ACAD9: variants seen among roughly 807,000 people sequenced by gnomAD.
ACAD9 encodes acyl-CoA dehydrogenase family member 9.
A neutral mutation model predicts 70.2 loss-of-function variants in ACAD9; 53 were observed. The ratio of observed to expected loss-of-function variants is 0.75; its 90% CI spans 0.61 to 0.95. ACAD9 has a LOEUF of 0.95. ACAD9 is among the 40% of genes least tolerant of loss of function. The probability of loss-of-function intolerance (pLI) is 0.00; values close to 1 mark genes in which losing one functional copy is unlikely to be tolerated. For missense variants in ACAD9, 777 were observed against 802.8 expected (o/e 0.97, Z 0.39); for synonymous variants, 313 against 312.1 (o/e 1.00, Z -0.03).
chr3:128,879,808 C>T lies in ACAD9; in HGVS notation c.117C>T (p.Phe39=), dbSNP rs754819333. ...LLRTSPPVRA[F]AKELFLGKIK... The stretch of plus-strand genomic sequence containing the variant: ...GCACCAGCCCGCCTGTACGAGCTTT[C>T]GCCAAAGAGCTTTTCCTAGGCAAAA... The change falls in exon 1 of 18, where the codon TTC becomes TTT. Residue 39 remains phenylalanine, a synonymous_variant. Transcript: ENST00000308982. The T allele has an allele frequency of 6.2e-7, 1 of 1,614,096 alleles. No individual in the cohort carries two copies. Among genetic ancestry groups the T allele is most frequent in the Non-Finnish European group, 8.5e-7 (1 of 1,180,028 alleles).
Position 128,908,691 on chromosome 3 carries a change from G to A in ACAD9, c.1359-282G>A. ...ATCCAAAATCACTGCTGGAGGCCAA[G>A]TACAGGTTGCTAGTAGCATTTTGTC... On this transcript the variant is annotated intron_variant, in intron 13 of 17. Transcript: ENST00000308982. The A allele has an allele frequency of 8.9e-6, 5 of 558,966 alleles. No homozygotes were observed. The South Asian group carries it at 1.0e-4, about 11-fold the overall frequency. 34.6% of individuals were successfully genotyped at this position (558,966 alleles called of 1,614,324 possible).
At chr3:128,898,375 C>T (rs1400983679) in intron 6 of ACAD9, 11 of 446,422 alleles carry the variant, frequency 2.5e-5, no homozygotes, top group Non-Finnish European at 4.5e-5. Flanking sequence ...AACACAAAGC[C>T]GTAATACCCT....
intron 1 of ACAD9, 44 bp from the exon 2 acceptor site, chr3:128,884,609 T>C (rs1935192694): frequency 7.2e-7 from 1 of 1,395,506 alleles, no homozygotes; most frequent in African/African-American, 1.4e-5. Flanking sequence ...GTGATGGGAG[T>C]GTGCTAAAAA....
At chr3:128,884,567 A>T in intron 1 of ACAD9, 86 bp from the exon 2 acceptor site, 1 of 982,930 alleles carries the variant, frequency 1.0e-6, no homozygotes, top group Non-Finnish European at 1.6e-6. Flanking sequence ...AGTGGAGCAC[A>T]TGTTTTTCCT....
Position 128,904,582 on chromosome 3 carries a change from A to G in ACAD9, c.1149+77A>G, listed in dbSNP as rs888503390. The G allele has an allele frequency of 1.7e-5, 26 of 1,557,288 alleles. No homozygotes were observed. In the South Asian group the frequency reaches 1.7e-4, roughly 10 times the overall value. The stretch of plus-strand genomic sequence containing the variant: ...TCCCTCACTGTGACCTTTCAAGCCC[A>G]TGCTGTTGCCTGTCATCTTCCTCCT... On this transcript the variant is annotated intron_variant, in intron 11 of 17. Transcript: ENST00000308982.
In ACAD9 at chr3:128,899,523, G is replaced by GT. The variant is rs1553731035; in HGVS notation, c.808+62_808+63insT. 1,232 of 1,068,616 alleles carry GT rather than the reference G, an allele frequency of 1.2e-3. 9 individuals carry two copies. The highest frequency in any genetic ancestry group is 8.0e-3 in the African/African-American group (483 of 60,478). 66.2% of individuals were successfully genotyped at this position (1,068,616 alleles called of 1,614,324 possible). ...TGTAAGGGGGAGACTGGCCTTTGAC[G>GT]GTGTGTGTGTGTGTGTGTGTGTGTG... On this transcript the variant is annotated intron_variant, in intron 7 of 17. Transcript: ENST00000308982.
intron 17 of ACAD9, among the ~76,000 whole-genome samples, 183 bp downstream of exon 17, chr3:128,910,996 G>A (rs1936237916): frequency 6.6e-6 from 1 of 152,234 alleles, no homozygotes; most frequent in Admixed American, 6.5e-5. Flanking sequence ...CACTGTAGGT[G>A]CATACCTGCC....
rs144311840 is a variant in ACAD9 at position 128,895,001 on chromosome 3, T to C, written c.347-309T>C. On this transcript the variant is annotated intron_variant, in intron 3 of 17. Transcript: ENST00000308982. The stretch of plus-strand genomic sequence containing the variant: ...AAGTGATTCTCATGCCTCAGCCTCC[T>C]GAGTAGCTGGGACCACAGGCACACA... Among the ~76,000 whole-genome samples the C allele has an allele frequency of 0.053, 7,958 of 150,886 alleles. 441 individuals carry two copies. The highest frequency in any genetic ancestry group is 0.13 in the African/African-American group (5,518 of 40,958).
At chr3:128,887,649 ATATATAT>A (rs1202657088) in intron 2 of ACAD9, among the ~76,000 whole-genome samples, 4,218 of 142,692 alleles carry the variant, frequency 0.03, 132 homozygotes, top group South Asian at 0.11. Flanking sequence ...AAATAAATAT[ATATATAT>A]ATATATATAT....
rs749932833 is a variant in ACAD9, at chr3:128,908,218, C to G, written c.1312C>G (p.Leu438Val). 5.6e-6 allele frequency: 9 copies of G among 1,614,204 alleles called. No homozygotes were observed. In the Middle Eastern group the frequency reaches 9.9e-4, roughly 178 times the overall value. ...TGAGATTCTCCGGATGTACATCGCC[C>G]TGACGGGTCTGCAGCATGCCGGCCG... ...TNEILRMYIA[L>V]TGLQHAGRIL... Residue 438 changes from leucine (L) to valine (V), a missense_variant, in exon 13 of 18, where the codon CTG becomes GTG. By Grantham distance (32) the Leu-to-Val change is conservative. Coordinates refer to ENST00000308982, the MANE Select transcript of ACAD9 (RefSeq NM_014049.5).
At chr3:128,896,218 A>G (rs1240643739) in intron 4 of ACAD9, among the ~76,000 whole-genome samples, 1 of 152,240 alleles carries the variant, frequency 6.6e-6, no homozygotes, top group African/African-American at 2.4e-5. Flanking sequence ...ACTGCAAAGC[A>G]CTGTGGGTTG....
chr3:128,907,010 G>C (rs1680790), intron 12 of ACAD9, among the ~76,000 whole-genome samples: 1 of 151,998 alleles, frequency 6.6e-6, no homozygotes, highest in South Asian at 2.1e-4. Flanking sequence ...TGAGTTGCAG[G>C]GATGAGGCCG....
rs71153150 is a variant in ACAD9 at position 128,887,644 on chromosome 3, A to AATATATATATATATAT, written c.244+2907_244+2922dup. ...AAAAATAAAAATAAAAAAATAAATA[A>AATATATATATATATAT]ATATATATATATATATATATATATG... is the stretch of plus-strand genomic sequence containing the variant. On this transcript the variant is annotated intron_variant, in intron 2 of 17. Coordinates refer to ENST00000308982, the MANE Select transcript of ACAD9 (RefSeq NM_014049.5). Among the ~76,000 whole-genome samples the AATATATATATATATAT allele has an allele frequency of 1.9e-4, 25 of 133,096 alleles. 1 individual carries two copies. Among genetic ancestry groups the AATATATATATATATAT allele is most frequent in the African/African-American group, 4.9e-4 (17 of 34,594 alleles). 87.3% of individuals were successfully genotyped at this position (133,096 alleles called of 152,430 possible).
intron 15 of ACAD9, 176 bp downstream of exon 15, chr3:128,909,597 CTACTCGGATGGGTACCCTTGCTGGG>C: frequency 1.4e-6 from 1 of 702,268 alleles, no homozygotes; most frequent in Non-Finnish European, 2.5e-6. Context: ...GCCCACTTAG[CTACTCGGATGGGTACCCTTGCTGGG>C]TGAGTTTTCT....
At chr3:128,901,890 A>G (rs1266392761) in intron 8 of ACAD9, among the ~76,000 whole-genome samples, 1 of 152,038 alleles carries the variant, frequency 6.6e-6, no homozygotes, top group Non-Finnish European at 1.5e-5. Context: ...CTTGGCTGCT[A>G]CTCTTTTACT....
At chr3:128,890,339 G>A (rs983778389) in intron 2 of ACAD9, among the ~76,000 whole-genome samples, 2 of 152,044 alleles carry the variant, frequency 1.3e-5, no homozygotes, top group African/African-American at 4.8e-5. Context: ...GCCCGACTCG[G>A]CCTCCCATAG....
At chr3:128,908,545 T>A (rs758663605) in intron 13 of ACAD9, 1 of 577,432 alleles carries the variant, frequency 1.7e-6, no homozygotes, top group African/African-American at 1.9e-5. Context: ...TTTCAGAACC[T>A]GAAGAATGAG....
At chr3:128,901,704 T>A (rs1935745163) in intron 8 of ACAD9, among the ~76,000 whole-genome samples, 1 of 152,242 alleles carries the variant, frequency 6.6e-6, no homozygotes, top group African/African-American at 2.4e-5. Flanking sequence ...CTTTTCTTTT[T>A]GGACTAAGAC....
chr3:128,912,533 A>AT lies in ACAD9; in HGVS notation c.1794dup (p.Lys599Ter). On this transcript the variant is annotated frameshift_variant, in exon 18 of 18. Coordinates refer to ENST00000308982, the MANE Select transcript of ACAD9 (RefSeq NM_014049.5). LOFTEE classifies it high-confidence loss of function. ...TGCTCCAGAAAACCTAGATGAGCAG[A>AT]TTAAGAAAGTGTCCCAGCAGATCCT... The AT allele has an allele frequency of 6.2e-7, 1 of 1,613,706 alleles. No homozygotes were observed. The highest frequency in any genetic ancestry group is 8.5e-7 in the Non-Finnish European group (1 of 1,179,634).
Sources: gnomAD v4.1 joint callset for allele counts (sites outside exome capture counted in the v4.1 genomes callset) on GRCh38, gnomAD v4.1.1 for gene constraint, MANE v1.5 for transcripts, NCBI Gene and HGNC (gene_info 2026-07-23, HGNC 2026-07-21) for gene names.